The following SLC26A7 variants were observed in gnomAD, a reference collection of about 807,000 sequenced individuals.
The protein encoded by SLC26A7 is solute carrier family 26 member 7, also known as anion exchange transporter.
SLC26A7 carries 59 observed loss-of-function variants against 82.5 expected under a neutral mutation model. The ratio of observed to expected loss-of-function variants is 0.72; its 90% confidence interval spans 0.58 to 0.89. The LOEUF (loss-of-function observed/expected upper bound fraction) is 0.89. Ranked by LOEUF, SLC26A7 falls within the 40% of genes least tolerant of loss-of-function variation. The probability of loss-of-function intolerance (pLI) is 0.00; values close to 1 mark genes in which losing one functional copy is unlikely to be tolerated. For missense variants in SLC26A7, 820 were observed against 793.0 expected, an observed-to-expected ratio of 1.03 and a Z score of -0.41; for synonymous variants, 271 against 274.3, an observed-to-expected ratio of 0.99 and a Z score of 0.12.
intron 2 of SLC26A7, among the ~76,000 whole-genome samples, chr8:91,268,793 T>C (rs1371762476): frequency 6.6e-6 from 1 of 151,782 alleles, no homozygotes; most frequent in African/African-American, 2.4e-5. Context: ...TGACTTTCTC[T>C]AGTAAAGAGA....
chr8:91,309,130 T>C (rs1350353518), intron 4 of SLC26A7, among the ~76,000 whole-genome samples: 1 of 152,054 alleles, frequency 6.6e-6, no homozygotes, highest in Non-Finnish European at 1.5e-5. Flanking sequence ...TAATTATGTT[T>C]AATTATACAG....
At chr8:91,391,503 TTTTCACGG>T (rs1412847677) in intron 16 of SLC26A7, among the ~76,000 whole-genome samples, 2 of 152,236 alleles carry the variant, frequency 1.3e-5, no homozygotes, top group African/African-American at 4.8e-5. Flanking sequence ...CTATAAAACC[TTTTCACGG>T]TTGGACTTAG....
chr8:91,290,329 G>A (rs1811830271), intron 3 of SLC26A7, among the ~76,000 whole-genome samples: 1 of 152,094 alleles, frequency 6.6e-6, no homozygotes, highest in African/African-American at 2.4e-5. Context: ...CTTAGAACAA[G>A]ATAAAGGTAT....
intron 5 of SLC26A7, among the ~76,000 whole-genome samples, chr8:91,319,700 G>A (rs1487912118): frequency 6.6e-6 from 1 of 152,170 alleles, no homozygotes; most frequent in African/African-American, 2.4e-5. Context: ...AGGTCTACAC[G>A]ACAGAACCAA....
At chr8:91,261,098 C>G (rs1380583624) in intron 2 of SLC26A7, among the ~76,000 whole-genome samples, 2 of 152,102 alleles carry the variant, frequency 1.3e-5, no homozygotes, top group African/African-American at 4.8e-5. Context: ...GTTGCCCACA[C>G]AATTTGGGTT....
intron 2 of SLC26A7, among the ~76,000 whole-genome samples, chr8:91,258,919 C>T (rs1048659483): frequency 6.6e-6 from 1 of 152,114 alleles, no homozygotes; most frequent in African/African-American, 2.4e-5. Flanking sequence ...AAACCTTGTT[C>T]TTAAAATTCC....
At chr8:91,386,868 T>G (rs1053470530) in intron 15 of SLC26A7, among the ~76,000 whole-genome samples, 1 of 152,158 alleles carries the variant, frequency 6.6e-6, no homozygotes, top group Non-Finnish European at 1.5e-5. Context: ...AGAAACCATA[T>G]AAATTTTATT....
intron 2 of SLC26A7, among the ~76,000 whole-genome samples, chr8:91,272,538 G>A (rs1034070398): frequency 4.6e-5 from 7 of 152,232 alleles, no homozygotes; most frequent in Non-Finnish European, 8.8e-5. Context: ...AGAAAATTAC[G>A]TTTTTACCTG....
chr8:91,250,090 C>A (rs1262344575), intron 2 of SLC26A7, among the ~76,000 whole-genome samples: 2 of 152,048 alleles, frequency 1.3e-5, no homozygotes, highest in African/African-American at 4.8e-5. Flanking sequence ...TGTTAAAATT[C>A]ACACTGTTTT....
chr8:91,395,035 TA>T (rs1808531025), intron 18 of SLC26A7, 26 bp from the exon 19 acceptor site: 2 of 1,610,528 alleles, frequency 1.2e-6, no homozygotes, highest in Non-Finnish European at 1.7e-6. Flanking sequence ...AAATAGCACA[TA>T]CTTACTTCTT....
chr8:91,391,119 T>G (rs1814955254), intron 16 of SLC26A7, among the ~76,000 whole-genome samples: 1 of 152,168 alleles, frequency 6.6e-6, no homozygotes, highest in South Asian at 2.1e-4. Context: ...ATTTATATCT[T>G]AAATTTACTT....
At chr8:91,293,927 C>T (rs1811945543) in intron 3 of SLC26A7, among the ~76,000 whole-genome samples, 1 of 152,148 alleles carries the variant, frequency 6.6e-6, no homozygotes, top group Admixed American at 6.5e-5. Context: ...GGTGAATATT[C>T]TCTACTTGGT....
chr8:91,346,764 C>T (rs1813574584), intron 9 of SLC26A7, among the ~76,000 whole-genome samples: 1 of 152,202 alleles, frequency 6.6e-6, no homozygotes, highest in South Asian at 2.1e-4. Flanking sequence ...GCGCTGAGTG[C>T]GTCCTGGCAC....
intron 15 of SLC26A7, among the ~76,000 whole-genome samples, chr8:91,379,943 A>G (rs910661883): frequency 6.6e-6 from 1 of 152,100 alleles, no homozygotes; most frequent in Admixed American, 6.5e-5. Context: ...GAGTAAAAAA[A>G]GGCAAACAAC....
intron 2 of SLC26A7, among the ~76,000 whole-genome samples, chr8:91,235,495 CTG>C (rs1038448325): frequency 4.6e-5 from 7 of 152,080 alleles, no homozygotes; most frequent in Admixed American, 3.3e-4. Flanking sequence ...TCTAGGAACA[CTG>C]TGAAACAGTG....
At chr8:91,305,681 A>G (rs1340065345) in intron 4 of SLC26A7, among the ~76,000 whole-genome samples, 1 of 152,190 alleles carries the variant, frequency 6.6e-6, no homozygotes, top group African/African-American at 2.4e-5. Context: ...GCCTTCAACC[A>G]TGTAATTCCA....
At chr8:91,348,318 C>T (rs1411945330) in intron 9 of SLC26A7, 9 of 985,242 alleles carry the variant, frequency 9.1e-6, no homozygotes, top group Non-Finnish European at 1.1e-5. Flanking sequence ...GCAGTGAGTT[C>T]GAGAACTACT....
At chr8:91,286,158 G>A (rs1324004038) in intron 2 of SLC26A7, among the ~76,000 whole-genome samples, 2 of 152,128 alleles carry the variant, frequency 1.3e-5, no homozygotes, top group East Asian at 1.9e-4. Context: ...TTGGTCTGGG[G>A]TCAGGCACTG....
intron 5 of SLC26A7, among the ~76,000 whole-genome samples, chr8:91,328,368 G>A (rs532552033): frequency 6.6e-6 from 1 of 152,168 alleles, no homozygotes; most frequent in East Asian, 1.9e-4. Context: ...ATCAAAGATG[G>A]ATTACTTAAA....
Sources: allele counts gnomAD v4.1 joint callset (sites outside exome capture counted in the v4.1 genomes callset), GRCh38; gene constraint gnomAD v4.1.1; transcripts MANE v1.5; gene names NCBI Gene and HGNC (gene_info 2026-07-23, HGNC 2026-07-21).